Variants in KCNH7 observed in about 807,000 individuals in gnomAD.
KCNH7 encodes voltage-gated inwardly rectifying potassium channel KCNH7.
Under a neutral mutation model 120.8 loss-of-function variants are expected in KCNH7, and 49 were observed. That is an observed-to-expected ratio of 0.41 (90% CI 0.32 to 0.51). KCNH7 has a LOEUF of 0.51. Ranked by LOEUF, KCNH7 falls within the 20% of genes least tolerant of loss-of-function variation. The pLI is 0.38. For missense variants in KCNH7, 1,097 were observed against 1,446.6 expected (o/e 0.76, Z 3.92); for synonymous variants, 547 against 516.1 (o/e 1.06, Z -0.81).
At chr2:162,406,194 AG>A in intron 9 of KCNH7, among the ~76,000 whole-genome samples, 1 of 151,910 alleles carries the variant, frequency 6.6e-6, no homozygotes, top group East Asian at 2.0e-4. Context: ...TCAACAATTG[AG>A]CTGGTTCCTT....
chr2:162,451,265 T>C (rs1232972372), intron 6 of KCNH7, among the ~76,000 whole-genome samples: 1 of 152,086 alleles, frequency 6.6e-6, no homozygotes, highest in Non-Finnish European at 1.5e-5. Context: ...TGTTTACAGA[T>C]GCATAAAATA....
At chr2:162,694,457 C>T (rs1044218365) in intron 2 of KCNH7, among the ~76,000 whole-genome samples, 5 of 148,070 alleles carry the variant, frequency 3.4e-5, no homozygotes, top group Non-Finnish European at 4.4e-5. Context: ...CCAGCTGGTG[C>T]GTGTGGGTAT....
At chr2:162,469,955 A>C (rs1689444858) in intron 6 of KCNH7, among the ~76,000 whole-genome samples, 1 of 152,200 alleles carries the variant, frequency 6.6e-6, no homozygotes, top group Non-Finnish European at 1.5e-5. Context: ...GTGATCCGCC[A>C]GCCTCGGCCT....
chr2:162,533,851 T>C (rs1171750791), intron 3 of KCNH7, among the ~76,000 whole-genome samples: 1 of 151,674 alleles, frequency 6.6e-6, no homozygotes. Context: ...CTTTTGTAGC[T>C]TGATATTCTG....
chr2:162,794,656 A>G (rs1684073793), intron 2 of KCNH7, among the ~76,000 whole-genome samples: 1 of 152,060 alleles, frequency 6.6e-6, no homozygotes. Context: ...CTCATATAGT[A>G]AAAGAAAGTC....
At chr2:162,375,620 G>A (rs74334609) in intron 14 of KCNH7, among the ~76,000 whole-genome samples, 49 of 152,130 alleles carry the variant, frequency 3.2e-4, no homozygotes, top group Non-Finnish European at 6.6e-4. Context: ...ACAAGGGTCT[G>A]TTAGCTTAAT....
intron 2 of KCNH7, among the ~76,000 whole-genome samples, chr2:162,830,039 A>G (rs1266218803): frequency 6.6e-6 from 1 of 152,162 alleles, no homozygotes; most frequent in African/African-American, 2.4e-5. Flanking sequence ...ATGCGTAATA[A>G]CAAGGAGCAC....
chr2:162,586,715 A>G (rs73026665), intron 2 of KCNH7, among the ~76,000 whole-genome samples: 4,162 of 151,286 alleles, frequency 0.028, 221 homozygotes, highest in African/African-American at 0.097. Flanking sequence ...TGAATTTAGA[A>G]TCAACACAAA....
chr2:162,672,411 C>T (rs992634130), intron 2 of KCNH7, among the ~76,000 whole-genome samples: 3 of 151,964 alleles, frequency 2.0e-5, no homozygotes, highest in Non-Finnish European at 4.4e-5. Flanking sequence ...AAATGTAACT[C>T]ATGGCTCAAA....
intron 2 of KCNH7, among the ~76,000 whole-genome samples, chr2:162,733,365 AC>A (rs1687793860): frequency 6.6e-6 from 1 of 152,170 alleles, no homozygotes; most frequent in South Asian, 2.1e-4. Context: ...TTTCTGCCCA[AC>A]TCATTGACAT....
intron 2 of KCNH7, among the ~76,000 whole-genome samples, chr2:162,832,685 A>G (rs1559154871): frequency 2.6e-5 from 4 of 152,072 alleles, no homozygotes; most frequent in South Asian, 2.1e-4. Context: ...ATCTCTTCCT[A>G]CTGTTCTTAC....
intron 2 of KCNH7, among the ~76,000 whole-genome samples, chr2:162,800,880 GT>G (rs1416067827): frequency 2.0e-5 from 3 of 151,864 alleles, no homozygotes; most frequent in African/African-American, 4.8e-5. Flanking sequence ...TTGTTTCATA[GT>G]TTTTTTATTG....
At chr2:162,791,534 T>A (rs2105519070) in intron 2 of KCNH7, among the ~76,000 whole-genome samples, 1 of 152,158 alleles carries the variant, frequency 6.6e-6, no homozygotes, top group South Asian at 2.1e-4. Flanking sequence ...TATTTTATTC[T>A]TTTTGTGGCA....
chr2:162,520,747 T>A (rs1691494715), intron 3 of KCNH7, among the ~76,000 whole-genome samples: 1 of 151,790 alleles, frequency 6.6e-6, no homozygotes, highest in Admixed American at 6.6e-5. Context: ...CCAGCCTAAG[T>A]GACAGAGAGA....
intron 6 of KCNH7, among the ~76,000 whole-genome samples, chr2:162,470,577 G>A (rs1443327889): frequency 2.0e-5 from 3 of 151,900 alleles, no homozygotes; most frequent in African/African-American, 7.2e-5. Flanking sequence ...GAGGGAGGTG[G>A]GGGTCAGCCC....
chr2:162,425,213 T>A (rs920046111), intron 8 of KCNH7, among the ~76,000 whole-genome samples: 2 of 152,092 alleles, frequency 1.3e-5, no homozygotes, highest in African/African-American at 4.8e-5. Context: ...ATCTTGAGAC[T>A]TTTCAGCCTC....
chr2:162,396,054 G>A (rs184356233), intron 11 of KCNH7, among the ~76,000 whole-genome samples: 10 of 151,756 alleles, frequency 6.6e-5, no homozygotes, highest in Admixed American at 1.3e-4. Flanking sequence ...TGGTTACAAC[G>A]TAAGTTTTAT....
At chr2:162,566,673 T>C (rs1362088337) in intron 2 of KCNH7, among the ~76,000 whole-genome samples, 2 of 152,084 alleles carry the variant, frequency 1.3e-5, no homozygotes, top group African/African-American at 4.8e-5. Context: ...TAGTTTTTGC[T>C]TGAAGCTACA....
chr2:162,618,453 G>GTGCT (rs2105188165), intron 2 of KCNH7, among the ~76,000 whole-genome samples: 1 of 151,970 alleles, frequency 6.6e-6, no homozygotes, highest in East Asian at 1.9e-4. Context: ...ACACACATAC[G>GTGCT]TGCTTACATA....
Sources: gnomAD v4.1 joint callset for allele counts (sites outside exome capture counted in the v4.1 genomes callset) on GRCh38, gnomAD v4.1.1 for gene constraint, MANE v1.5 for transcripts, NCBI Gene and HGNC (gene_info 2026-07-23, HGNC 2026-07-21) for gene names.